CGGBP1: variants seen among roughly 807,000 people sequenced by gnomAD.
The protein encoded by CGGBP1 is CGG triplet repeat-binding protein 1.
Under a neutral mutation model 11.4 loss-of-function variants are expected in CGGBP1, and 4 were observed. The observed-to-expected ratio is 0.35, with a 90% CI of 0.17 to 0.80. The LOEUF is 0.80. Ranked by LOEUF, CGGBP1 falls within the 30% of genes least tolerant of loss-of-function variation. CGGBP1 has a pLI of 0.52. For missense variants in CGGBP1, 135 were observed against 202.1 expected (o/e 0.67, Z 2.01); for synonymous variants, 76 against 74.1 (o/e 1.03, Z -0.13).
At chr3:88,122,404 T>C (rs1442555486) in intron 2 of CGGBP1, among the ~76,000 whole-genome samples, 3 of 152,198 alleles carry the variant, frequency 2.0e-5, no homozygotes, top group Admixed American at 6.5e-5. Flanking sequence ...ACCAATTATG[T>C]AGAATGGCCA....
chr3:88,063,373 G>T (rs908650173), upstream of CGGBP1, among the ~76,000 whole-genome samples: 2 of 152,184 alleles, frequency 1.3e-5, no homozygotes, highest in African/African-American at 4.8e-5. Context: ...ACGACTGTGG[G>T]CCAGGCACTG....
intron 2 of CGGBP1, among the ~76,000 whole-genome samples, chr3:88,081,605 A>G (rs537455667): frequency 1.3e-5 from 2 of 152,340 alleles, no homozygotes; most frequent in South Asian, 2.1e-4. Flanking sequence ...TTAAAGTCCA[A>G]TGCTATCATT....
intron 2 of CGGBP1, among the ~76,000 whole-genome samples, chr3:88,088,752 GTATGTA>G (rs1708471952): frequency 7.9e-6 from 1 of 127,038 alleles, no homozygotes. Flanking sequence ...ATTTATGTAT[GTATGTA>G]TGTATGGATG....
chr3:88,099,261 A>T (rs1216041855), intron 2 of CGGBP1, among the ~76,000 whole-genome samples: 1 of 152,224 alleles, frequency 6.6e-6, no homozygotes, highest in African/African-American at 2.4e-5. Context: ...ATACCTAGGA[A>T]TCCAACTTAC....
intron 2 of CGGBP1, among the ~76,000 whole-genome samples, chr3:88,105,031 T>G (rs942962836): frequency 1.3e-5 from 2 of 152,142 alleles, no homozygotes; most frequent in Non-Finnish European, 2.9e-5. Flanking sequence ...TCCCAGCTAC[T>G]CGGGAGACTG....
chr3:88,098,373 T>C (rs1704191084), intron 2 of CGGBP1, among the ~76,000 whole-genome samples: 1 of 152,174 alleles, frequency 6.6e-6, no homozygotes, highest in African/African-American at 2.4e-5. Flanking sequence ...CAGGACCAGA[T>C]GGATTCACAG....
intron 2 of CGGBP1, among the ~76,000 whole-genome samples, chr3:88,114,835 C>T (rs984652740): frequency 9.9e-5 from 15 of 152,144 alleles, no homozygotes; most frequent in Admixed American, 9.8e-4. Context: ...TCCCTAAAAC[C>T]TTGTATTTTC....
At position 88,055,364 on chromosome 3, in the gene CGGBP1, T is replaced by C; in HGVS notation, c.*109A>G. On this transcript the variant is annotated 3_prime_UTR_variant, in exon 4 of 4. Coordinates refer to ENST00000482016, the MANE Select transcript of CGGBP1 (RefSeq NM_001008390.2). This position sits in a 1 kb window ranked among gnomAD's most constrained non-coding sequence, Gnocchi z 4.2. ...AACTATATACACATTGCAAAACTAT[T>C]CTGCGTCACATGATTTTAAATGAAA... The C allele has an allele frequency of 8.8e-7, 1 of 1,133,368 alleles. No individual in the cohort carries two copies. Among genetic ancestry groups the C allele is most frequent in the Non-Finnish European group, 1.2e-6 (1 of 813,956 alleles). The allele number at this position is 1,133,368 out of a possible 1,614,324, so 70.2% of individuals were successfully genotyped here.
chr3:88,116,780 T>A (rs1393234320), intron 2 of CGGBP1, among the ~76,000 whole-genome samples: 1 of 152,142 alleles, frequency 6.6e-6, no homozygotes, highest in Non-Finnish European at 1.5e-5. Context: ...GCATCCTCTT[T>A]ACTCTCTCAT....
At chr3:88,140,417 A>G in intron 2 of CGGBP1, 1 of 1,613,422 alleles carries the variant, frequency 6.2e-7, no homozygotes, top group East Asian at 2.2e-5. Flanking sequence ...CTACTAGCAA[A>G]TCAAGGAAAG....
intron 2 of CGGBP1, chr3:88,139,122 A>G: frequency 7.8e-7 from 1 of 1,274,778 alleles, no homozygotes; most frequent in African/African-American, 1.5e-5. Flanking sequence ...TAATGCAGGT[A>G]ATCTAAAAAG....
intron 2 of CGGBP1, among the ~76,000 whole-genome samples, chr3:88,095,085 A>G (rs989829509): frequency 6.6e-6 from 1 of 152,140 alleles, no homozygotes; most frequent in Non-Finnish European, 1.5e-5. Context: ...TTAGTAATTT[A>G]TTGGTTGAAG....
At chr3:88,144,774 G>T (rs1390654616) in intron 1 of CGGBP1, 1 of 152,270 alleles carries the variant, frequency 6.6e-6, no homozygotes, top group Non-Finnish European at 1.5e-5. Context: ...ATTTCAGTTA[G>T]TATATTACCA....
chr3:88,149,112 G>A (rs1707360929), intron 1 of CGGBP1, among the ~76,000 whole-genome samples: 1 of 152,198 alleles, frequency 6.6e-6, no homozygotes. Flanking sequence ...AACAGAGCAT[G>A]ACTATTTCTC....
Position 88,149,870 on chromosome 3 carries a change from T to C in CGGBP1, c.-497A>G, listed in dbSNP as rs892050571. 1.1e-5 allele frequency: 7 copies of C among 659,286 alleles called. No individual in the cohort carries two copies. The African/African-American group carries it at 1.1e-4, about 10-fold the overall frequency. 40.8% of individuals were successfully genotyped at this position (659,286 alleles called of 1,614,324 possible). A position where few individuals can be genotyped will look rare whatever the true frequency, so the allele number is the denominator to read the frequency against. ...TCCGTCCCCAGCCCGGAACCACAAG[T>C]GAGGGCACTGCGTTTCCTGATTGAC... On this transcript the variant is annotated 5_prime_UTR_variant, in exon 1 of 4. Transcript: ENST00000462901.
upstream of CGGBP1, among the ~76,000 whole-genome samples, chr3:88,063,523 A>G (rs2107587676): frequency 6.6e-6 from 1 of 152,326 alleles, no homozygotes; most frequent in South Asian, 2.1e-4. Context: ...TGGTCTTGAT[A>G]TAGGATTTAC....
At chr3:88,084,858 T>A (rs568407226) in intron 2 of CGGBP1, among the ~76,000 whole-genome samples, 90 of 152,278 alleles carry the variant, frequency 5.9e-4, no homozygotes, top group African/African-American at 2.1e-3. Context: ...ATGCTACACT[T>A]AGTAGGTTTT....
At chr3:88,147,570 C>G (rs906843928) in intron 1 of CGGBP1, among the ~76,000 whole-genome samples, 8 of 152,210 alleles carry the variant, frequency 5.3e-5, no homozygotes, top group Non-Finnish European at 8.8e-5. Context: ...CTATCCAAGA[C>G]AGTAGTCACT....
chr3:88,056,090 A>T (rs1296410654), intron 3 of CGGBP1, 91 bp from the exon 4 acceptor site: 3 of 945,976 alleles, frequency 3.2e-6, no homozygotes, highest in Non-Finnish European at 3.1e-6. Context: ...AAACACTTCA[A>T]ATACTTCAAA....
Sources: allele counts gnomAD v4.1 joint callset (sites outside exome capture counted in the v4.1 genomes callset), GRCh38; gene constraint gnomAD v4.1.1; non-coding constraint Gnocchi (gnomAD v3.1); transcripts MANE v1.5; gene names NCBI Gene and HGNC (gene_info 2026-07-23, HGNC 2026-07-21).